Variants in SLC25A26 observed in about 807,000 individuals in gnomAD.
SLC25A26 encodes mitochondrial S-adenosylmethionine carrier protein.
A neutral mutation model predicts 37.8 loss-of-function variants in SLC25A26; 36 were observed. The observed-to-expected ratio is 0.95, with a 90% CI of 0.73 to 1.26. SLC25A26 has a LOEUF of 1.26. Among genes scored for constraint, SLC25A26 ranks in the 50% most tolerant of loss-of-function variants. The probability of loss-of-function intolerance (pLI) is 0.00; values close to 1 mark genes in which losing one functional copy is unlikely to be tolerated. For missense variants in SLC25A26, 390 were observed against 331.1 expected, an observed-to-expected ratio of 1.18 and a Z score of -1.38; for synonymous variants, 129 against 122.5, an observed-to-expected ratio of 1.05 and a Z score of -0.35.
At chr3:66,211,938 C>T (rs1414041274) in intron 1 of SLC25A26, among the ~76,000 whole-genome samples, 1 of 152,098 alleles carries the variant, frequency 6.6e-6, no homozygotes, top group African/African-American at 2.4e-5. Context: ...TTTTCATCTT[C>T]CCCAACTGAT....
At chr3:66,354,588 A>G (rs1040092697) in intron 6 of SLC25A26, among the ~76,000 whole-genome samples, 1 of 152,198 alleles carries the variant, frequency 6.6e-6, no homozygotes, top group African/African-American at 2.4e-5. Context: ...TTTTAATAGT[A>G]GTTAAAATGT....
At chr3:66,222,726 A>G (rs2071559862) in intron 1 of SLC25A26, among the ~76,000 whole-genome samples, 1 of 152,240 alleles carries the variant, frequency 6.6e-6, no homozygotes, top group Non-Finnish European at 1.5e-5. Flanking sequence ...ATTGGAGCTC[A>G]TATTCCAACC....
chr3:66,353,366 T>C (rs1256461314), intron 6 of SLC25A26, among the ~76,000 whole-genome samples: 1 of 152,208 alleles, frequency 6.6e-6, no homozygotes, highest in East Asian at 1.9e-4. Context: ...GGTGCTGGCC[T>C]GGTCTTTGTT....
At chr3:66,302,389 C>T (rs2075101428) in intron 5 of SLC25A26, among the ~76,000 whole-genome samples, 1 of 152,228 alleles carries the variant, frequency 6.6e-6, no homozygotes, top group Non-Finnish European at 1.5e-5. Context: ...TTCTGCATGG[C>T]AGTAATTGTC....
intron 5 of SLC25A26, among the ~76,000 whole-genome samples, chr3:66,312,109 G>C (rs1232209803): frequency 6.6e-6 from 1 of 152,210 alleles, no homozygotes; most frequent in East Asian, 1.9e-4. Flanking sequence ...TGTTCCCCCA[G>C]GTGCCCTGTC....
At chr3:66,175,392 T>G (rs2070570883) in intron 1 of SLC25A26, among the ~76,000 whole-genome samples, 1 of 151,806 alleles carries the variant, frequency 6.6e-6, no homozygotes. Flanking sequence ...GCCCAGCTAA[T>G]TTTTGTATTT....
chr3:66,369,432 T>C (rs1700229343), intron 7 of SLC25A26, 46 bp from the exon 8 acceptor site: 12 of 1,526,042 alleles, frequency 7.9e-6, no homozygotes, highest in Non-Finnish European at 1.1e-5. Flanking sequence ...TACAAAATTA[T>C]ACAGTAAACA....
At chr3:66,368,993 T>C (rs370254732) in intron 7 of SLC25A26, among the ~76,000 whole-genome samples, 25 of 138,688 alleles carry the variant, frequency 1.8e-4, no homozygotes, top group African/African-American at 7.1e-4. Context: ...TGCACTCCAG[T>C]CTTGGTGAGA....
intron 5 of SLC25A26, among the ~76,000 whole-genome samples, chr3:66,311,756 C>G (rs1005618735): frequency 6.6e-6 from 1 of 152,168 alleles, no homozygotes; most frequent in African/African-American, 2.4e-5. Context: ...CCCTCTGCTG[C>G]AGGTCTGCTG....
At chr3:66,347,608 G>A (rs181837636) in intron 6 of SLC25A26, among the ~76,000 whole-genome samples, 35 of 152,164 alleles carry the variant, frequency 2.3e-4, no homozygotes, top group African/African-American at 7.7e-4. Context: ...ATTTGACCCA[G>A]CAATCCCATT....
intron 1 of SLC25A26, among the ~76,000 whole-genome samples, chr3:66,147,314 C>G (rs1054298260): frequency 1.3e-5 from 2 of 151,438 alleles, no homozygotes; most frequent in African/African-American, 4.9e-5. Context: ...CAGGCACTCA[C>G]CACCACGTCC....
At chr3:66,211,849 G>A (rs2071287929) in intron 1 of SLC25A26, among the ~76,000 whole-genome samples, 1 of 152,102 alleles carries the variant, frequency 6.6e-6, no homozygotes, top group Non-Finnish European at 1.5e-5. Context: ...CCATTTTTAA[G>A]CGTACAGTTC....
At chr3:66,256,461 G>T (rs1324242743) in intron 3 of SLC25A26, among the ~76,000 whole-genome samples, 2 of 152,060 alleles carry the variant, frequency 1.3e-5, no homozygotes, top group South Asian at 4.1e-4. Flanking sequence ...TTAAAAACTT[G>T]TGAAATAATA....
At chr3:66,192,185 G>T (rs1024045343) in intron 1 of SLC25A26, among the ~76,000 whole-genome samples, 1 of 151,140 alleles carries the variant, frequency 6.6e-6, no homozygotes, top group Non-Finnish European at 1.5e-5. Context: ...GTGTGGTGGT[G>T]GGTGCCTGTA....
chr3:66,240,747 C>CTTTTCT (rs2072537793), intron 2 of SLC25A26, among the ~76,000 whole-genome samples: 1 of 129,154 alleles, frequency 7.7e-6, no homozygotes, highest in Admixed American at 7.9e-5. Flanking sequence ...CTTTTCTTTT[C>CTTTTCT]TTTTTTTTTT....
chr3:66,308,159 G>GTCCATTT, intron 5 of SLC25A26, among the ~76,000 whole-genome samples: 1 of 151,864 alleles, frequency 6.6e-6, no homozygotes, highest in South Asian at 2.1e-4. Flanking sequence ...CATTTGTTTG[G>GTCCATTT]GTCCTCTCTT....
upstream of SLC25A26, among the ~76,000 whole-genome samples, chr3:66,216,974 T>A (rs2071371456): frequency 6.6e-6 from 1 of 152,230 alleles, no homozygotes; most frequent in Admixed American, 6.5e-5. Context: ...GTTTGTAATA[T>A]CTGTATTTCC....
chr3:66,277,498 T>G (rs138107819), intron 5 of SLC25A26, among the ~76,000 whole-genome samples: 17 of 152,134 alleles, frequency 1.1e-4, no homozygotes, highest in Admixed American at 7.2e-4. Flanking sequence ...ATCAGCAGGT[T>G]CTGGGTATTT....
chr3:66,325,634 G>T (rs528533630), intron 5 of SLC25A26, among the ~76,000 whole-genome samples: 1 of 152,260 alleles, frequency 6.6e-6, no homozygotes, highest in East Asian at 1.9e-4. Context: ...AGGTGATAAG[G>T]GGGTGCAGGG....
Sources: gnomAD v4.1 joint callset for allele counts (sites outside exome capture counted in the v4.1 genomes callset) on GRCh38, gnomAD v4.1.1 for gene constraint, MANE v1.5 for transcripts, NCBI Gene and HGNC (gene_info 2026-07-23, HGNC 2026-07-21) for gene names.